Variants in C5 observed in about 807,000 individuals in gnomAD.
The protein encoded by C5 is C3 and PZP-like alpha-2-macroglobulin domain-containing protein 4.
A neutral mutation model predicts 218.8 loss-of-function variants in C5; 140 were observed. The ratio of observed to expected loss-of-function variants is 0.64; its 90% CI spans 0.56 to 0.74. The LOEUF is 0.74. Among genes scored for constraint, C5 ranks in the 30% least tolerant of loss-of-function variants. C5 has a pLI of 0.00. For missense variants in C5, 1,700 were observed against 1,969.6 expected (o/e 0.86, Z 2.59); for synonymous variants, 614 against 682.3 (o/e 0.90, Z 1.56).
intron 30 of C5, 25 bp from the exon 31 acceptor site, chr9:120,972,017 C>T: frequency 6.5e-7 from 1 of 1,542,826 alleles, no homozygotes; most frequent in Non-Finnish European, 8.9e-7. Flanking sequence ...GAGAAACAAA[C>T]CATGCTTTCT....
At chr9:121,040,003 C>T (rs1010490561) in intron 3 of C5, among the ~76,000 whole-genome samples, 3 of 152,218 alleles carry the variant, frequency 2.0e-5, no homozygotes, top group African/African-American at 7.2e-5. Flanking sequence ...ACAAATCAGA[C>T]ATGGACATCT....
intron 2 of C5, among the ~76,000 whole-genome samples, chr9:121,045,444 A>C (rs980977568): frequency 2.0e-5 from 3 of 152,162 alleles, no homozygotes; most frequent in East Asian, 1.9e-4. Context: ...TTATAAAATA[A>C]ATTCAAAATG....
intron 25 of C5, among the ~76,000 whole-genome samples, chr9:120,983,789 T>C (rs1010349541): frequency 6.6e-6 from 1 of 150,956 alleles, no homozygotes. Context: ...CCAGCCTGAG[T>C]GAGAGAACTT....
intron 3 of C5, among the ~76,000 whole-genome samples, chr9:121,042,526 T>C (rs1203692238): frequency 1.3e-5 from 2 of 152,224 alleles, no homozygotes; most frequent in East Asian, 1.9e-4. Flanking sequence ...TTAATGAACA[T>C]GGTTCTACAA....
At chr9:121,056,454 A>C in the C5 span, among the ~76,000 whole-genome samples, 1 of 152,232 alleles carries the variant, frequency 6.6e-6, no homozygotes, top group Non-Finnish European at 1.5e-5. Flanking sequence ...GCTAAAATAT[A>C]GATTACTAAG....
chr9:121,056,951 A>G, the C5 span, among the ~76,000 whole-genome samples: 3 of 152,216 alleles, frequency 2.0e-5, no homozygotes, highest in Non-Finnish European at 2.9e-5. Flanking sequence ...AAAACTCTCA[A>G]TGATCAAGGA....
the C5 span, among the ~76,000 whole-genome samples, chr9:121,070,456 A>C: frequency 2.1e-5 from 3 of 141,734 alleles, no homozygotes; most frequent in African/African-American, 8.1e-5. Flanking sequence ...GTATATATAT[A>C]TGTATATTCT....
intron 27 of C5, 102 bp from the exon 28 acceptor site, chr9:120,980,356 G>T: frequency 1.0e-6 from 1 of 996,214 alleles, no homozygotes; most frequent in Non-Finnish European, 1.6e-6. Flanking sequence ...AGCAATATGG[G>T]GGTGAAAAGA....
Position 120,957,364 on chromosome 9 carries a change from A to T in C5, c.4683T>A (p.Tyr1561Ter). Residue 1561 changes from tyrosine (Y) to a stop codon, truncating the protein, a stop_gained, in exon 39 of 41, where the codon TAT (tyrosine) becomes TAA (stop). Transcript: ENST00000223642. LOFTEE classifies it high-confidence loss of function. ...TACKPEIAYA[Y>*]KVSITSITVE... ...CAGTGATGGATGTGATGCTAACTTT[A>T]TAAGCTGGCAAAAGACAAACAACAA... 6.2e-7 allele frequency: 1 copy of T among 1,611,290 alleles called. No individual in the cohort carries two copies.
At chr9:121,074,859 A>C in the C5 span, 1 of 456,266 alleles carries the variant, frequency 2.2e-6, no homozygotes, top group East Asian at 6.9e-5. Flanking sequence ...GCTGCAAAAG[A>C]GGCGGGAAAC....
intron 12 of C5, among the ~76,000 whole-genome samples, chr9:121,019,093 T>C (rs903989943): frequency 2.0e-5 from 3 of 152,004 alleles, no homozygotes; most frequent in Non-Finnish European, 2.9e-5. Context: ...GCATCTTATT[T>C]GGGGATTTAA....
At chr9:121,018,798 GAAGA>G (rs1409701411) in intron 12 of C5, among the ~76,000 whole-genome samples, 13 of 145,400 alleles carry the variant, frequency 8.9e-5, no homozygotes, top group South Asian at 6.5e-4. Flanking sequence ...AGGAAGGAAG[GAAGA>G]AAGAGTGAGT....
At chr9:120,962,851 A>T in intron 35 of C5, 42 bp downstream of exon 35, 1 of 1,601,528 alleles carries the variant, frequency 6.2e-7, no homozygotes, top group Non-Finnish European at 8.6e-7. Flanking sequence ...GTATATTTTG[A>T]ATAGTAATAG....
Position 121,013,874 on chromosome 9 carries a change from T to TA in C5, c.2255dup (p.His753ThrfsTer40). On this transcript the variant is annotated frameshift_variant and splice_region_variant, in exon 17 of 41. Coordinates refer to ENST00000223642, the MANE Select transcript of C5 (RefSeq NM_001735.3). LOFTEE classifies it high-confidence loss of function. ...TCTGATAGAAAATGTCATACTTACG[T>TA]AGCCTTCCCAATTGCATGTCTTTAT... 6.2e-7 allele frequency: 1 copy of TA among 1,613,522 alleles called. No homozygotes were observed. Among genetic ancestry groups the TA allele is most frequent in the Admixed American group, 1.7e-5 (1 of 60,014 alleles).
chr9:121,036,058 A>G (rs928121597), intron 4 of C5, among the ~76,000 whole-genome samples: 1 of 152,068 alleles, frequency 6.6e-6, no homozygotes, highest in Non-Finnish European at 1.5e-5. Flanking sequence ...AAAAACATAC[A>G]AACAAAAACA....
At chr9:120,963,176 TG>T (rs1196850777) in intron 34 of C5, among the ~76,000 whole-genome samples, 1 of 152,194 alleles carries the variant, frequency 6.6e-6, no homozygotes, top group Non-Finnish European at 1.5e-5. Flanking sequence ...TGCTTCACTT[TG>T]ATAAATCAAA....
chr9:121,017,615 C>A, intron 13 of C5, 28 bp downstream of exon 13: 1 of 1,608,432 alleles, frequency 6.2e-7, no homozygotes, highest in South Asian at 1.1e-5. Context: ...AAAGAAAATT[C>A]AATTGTGACT....
At chr9:121,067,670 G>A in the C5 span, among the ~76,000 whole-genome samples, 3 of 152,082 alleles carry the variant, frequency 2.0e-5, no homozygotes, top group East Asian at 1.9e-4. Flanking sequence ...TAATCCCCAC[G>A]TGTCAGGGAA....
At chr9:121,042,151 A>G (rs1460487314) in intron 3 of C5, among the ~76,000 whole-genome samples, 1 of 152,126 alleles carries the variant, frequency 6.6e-6, no homozygotes, top group Non-Finnish European at 1.5e-5. Context: ...CTAATATTCT[A>G]TTTCTGATGT....
Sources: allele counts gnomAD v4.1 joint callset (sites outside exome capture counted in the v4.1 genomes callset), GRCh38; gene constraint gnomAD v4.1.1; transcripts MANE v1.5; gene names NCBI Gene and HGNC (gene_info 2026-07-23, HGNC 2026-07-21).